Variants in KCNH8 observed in about 807,000 individuals in gnomAD.
The protein encoded by KCNH8 is voltage-gated delayed rectifier potassium channel KCNH8.
In KCNH8, 70 loss-of-function variants were observed where a neutral mutation model predicts 103.6. That is an observed-to-expected ratio of 0.68 (90% CI 0.56 to 0.82). The LOEUF is 0.82. Ranked by LOEUF, KCNH8 falls within the 40% of genes least tolerant of loss-of-function variation. The probability of loss-of-function intolerance (pLI) is 0.00; values close to 1 mark genes in which losing one functional copy is unlikely to be tolerated. For synonymous variants in KCNH8, 498 were observed against 489.4 expected (o/e 1.02, Z -0.23); for missense variants, 1,217 against 1,329.9 (o/e 0.92, Z 1.32).
intron 11 of KCNH8, among the ~76,000 whole-genome samples, chr3:19,459,956 G>GTC (rs34994157): frequency 0.015 from 2,180 of 147,526 alleles, 50 homozygotes; most frequent in African/African-American, 0.047. Flanking sequence ...CTCTTTTTCT[G>GTC]TCTCTCTCTC....
chr3:19,376,473 C>T (rs1574987964), intron 5 of KCNH8, among the ~76,000 whole-genome samples: 1 of 152,152 alleles, frequency 6.6e-6, no homozygotes, highest in East Asian at 1.9e-4. Context: ...ACGGTGCGCG[C>T]ACCCACTGAC....
chr3:19,253,519 CTT>C, intron 1 of KCNH8, 133 bp from the exon 2 acceptor site: 3 of 698,806 alleles, frequency 4.3e-6, no homozygotes, highest in Non-Finnish European at 7.4e-6. Context: ...TGGAGTGTCT[CTT>C]TTCCACTGCA....
intron 5 of KCNH8, among the ~76,000 whole-genome samples, chr3:19,368,405 A>G (rs2066042353): frequency 6.6e-6 from 1 of 151,994 alleles, no homozygotes; most frequent in South Asian, 2.1e-4. Flanking sequence ...ATTTGAAGGT[A>G]TGATCAGAGA....
chr3:19,274,881 C>G (rs1380173125), intron 2 of KCNH8, among the ~76,000 whole-genome samples: 1 of 95,598 alleles, frequency 1.0e-5, no homozygotes, highest in Non-Finnish European at 1.9e-5. Context: ...CTCCCCACCC[C>G]TCCCCTCCCC....
At chr3:19,253,435 A>G (rs567100520) in intron 1 of KCNH8, among the ~76,000 whole-genome samples, 151 of 151,924 alleles carry the variant, frequency 9.9e-4, no homozygotes, top group African/African-American at 3.5e-3. Flanking sequence ...TGTTTCTTCC[A>G]CAGTGTGTTT....
chr3:19,269,412 A>T (rs1283838632), intron 2 of KCNH8, among the ~76,000 whole-genome samples: 1 of 152,164 alleles, frequency 6.6e-6, no homozygotes, highest in Non-Finnish European at 1.5e-5. Context: ...AAATCTTGTT[A>T]AAAATGCTAC....
At chr3:19,506,573 T>A (rs1215839774) in intron 11 of KCNH8, among the ~76,000 whole-genome samples, 1 of 152,164 alleles carries the variant, frequency 6.6e-6, no homozygotes, top group Admixed American at 6.5e-5. Flanking sequence ...GCTCTGACAG[T>A]GTGGGCTCCT....
intron 7 of KCNH8, 71 bp from the exon 8 acceptor site, chr3:19,438,093 C>A: frequency 8.5e-7 from 1 of 1,177,526 alleles, no homozygotes; most frequent in Non-Finnish European, 1.3e-6. Flanking sequence ...GTTCATTTAT[C>A]ATTACTCCCA....
intron 7 of KCNH8, among the ~76,000 whole-genome samples, chr3:19,395,676 A>C (rs2066505624): frequency 6.6e-6 from 1 of 152,054 alleles, no homozygotes; most frequent in South Asian, 2.1e-4. Flanking sequence ...CACTACGATA[A>C]CTTAACTAAT....
chr3:19,331,285 A>ATTTAT (rs1336581702), intron 3 of KCNH8, among the ~76,000 whole-genome samples: 1 of 139,840 alleles, frequency 7.2e-6, no homozygotes, highest in South Asian at 2.3e-4. Flanking sequence ...TTATTTATTT[A>ATTTAT]TTGTTGTTAT....
At chr3:19,494,211 T>C (rs1172994347) in intron 11 of KCNH8, among the ~76,000 whole-genome samples, 5 of 152,240 alleles carry the variant, frequency 3.3e-5, no homozygotes, top group Non-Finnish European at 5.9e-5. Context: ...ACAGTGTACA[T>C]GTACCACATT....
chr3:19,330,903 A>G (rs947254817), intron 3 of KCNH8, among the ~76,000 whole-genome samples: 2 of 152,176 alleles, frequency 1.3e-5, no homozygotes, highest in South Asian at 2.1e-4. Context: ...GCTAAATTCC[A>G]TCAAACATTT....
At chr3:19,288,468 A>G (rs113703778) in intron 3 of KCNH8, among the ~76,000 whole-genome samples, 12,951 of 150,844 alleles carry the variant, frequency 0.086, 1,850 homozygotes, top group African/African-American at 0.3. Context: ...CCTATGAGTG[A>G]GAACATATGG....
At chr3:19,455,626 T>G (rs983371369) in intron 10 of KCNH8, among the ~76,000 whole-genome samples, 1 of 152,094 alleles carries the variant, frequency 6.6e-6, no homozygotes, top group African/African-American at 2.4e-5. Context: ...AACATGGTAT[T>G]CACCAGTACC....
At chr3:19,480,455 A>G (rs1424252803) in intron 11 of KCNH8, among the ~76,000 whole-genome samples, 1 of 152,196 alleles carries the variant, frequency 6.6e-6, no homozygotes, top group Non-Finnish European at 1.5e-5. Flanking sequence ...TCAAAGGACT[A>G]CCTTCCCAAC....
intron 15 of KCNH8, 89 bp downstream of exon 15, chr3:19,518,163 C>T (rs1475141090): frequency 2.0e-6 from 2 of 986,186 alleles, no homozygotes; most frequent in African/African-American, 3.2e-5. Context: ...ATAGTAGTTA[C>T]AAGCATGCAT....
intron 7 of KCNH8, among the ~76,000 whole-genome samples, chr3:19,397,519 A>G (rs1021754330): frequency 6.7e-6 from 1 of 150,258 alleles, no homozygotes; most frequent in Non-Finnish European, 1.5e-5. Flanking sequence ...ACATATATAT[A>G]CGTGTGTATA....
chr3:19,318,662 TAC>T (rs141442113), intron 3 of KCNH8, among the ~76,000 whole-genome samples: 33,547 of 142,168 alleles, frequency 0.24, 4,197 homozygotes, highest in Non-Finnish European at 0.29. Context: ...TGTGTGTGTG[TAC>T]ACACACACAC....
intron 3 of KCNH8, among the ~76,000 whole-genome samples, chr3:19,296,520 G>A (rs1438388745): frequency 6.6e-6 from 1 of 152,190 alleles, no homozygotes; most frequent in Non-Finnish European, 1.5e-5. Context: ...TAGACTATGA[G>A]CTCTGTGAAA....
Sources: allele counts gnomAD v4.1 joint callset (sites outside exome capture counted in the v4.1 genomes callset), GRCh38; gene constraint gnomAD v4.1.1; transcripts MANE v1.5; gene names NCBI Gene and HGNC (gene_info 2026-07-23, HGNC 2026-07-21).